Variants in GLI2 observed in about 807,000 individuals in gnomAD.
The protein encoded by GLI2 is transcription activator GLI2.
In GLI2, 22 loss-of-function variants were observed where a neutral mutation model predicts 78.9. The ratio of observed to expected loss-of-function variants is 0.28; its 90% CI spans 0.20 to 0.40. GLI2 has a LOEUF of 0.40. Among genes scored for constraint, GLI2 ranks in the 10% least tolerant of loss-of-function variants. The pLI is 1.00. For missense variants in GLI2, 2,097 were observed against 2,213.2 expected, an observed-to-expected ratio of 0.95 and a Z score of 1.05; for synonymous variants, 974 against 963.7, an observed-to-expected ratio of 1.01 and a Z score of -0.20.
At chr2:120,888,138 T>G (rs1381533124) in intron 2 of GLI2, among the ~76,000 whole-genome samples, 1 of 152,176 alleles carries the variant, frequency 6.6e-6, no homozygotes, top group African/African-American at 2.4e-5. Context: ...TCTGGCTGGA[T>G]GCCGAAAAGA....
intron 2 of GLI2, among the ~76,000 whole-genome samples, chr2:120,846,612 C>A (rs1050806116): frequency 6.6e-6 from 1 of 152,224 alleles, no homozygotes; most frequent in African/African-American, 2.4e-5. Flanking sequence ...CTGTTCCAGG[C>A]CACTCAGGTG....
chr2:120,970,605 A>G lies in GLI2; in HGVS notation c.1058A>G (p.Gln353Arg), dbSNP rs974103123. 6.2e-7 allele frequency: 1 copy of G among 1,612,994 alleles called. No homozygotes were observed. Among genetic ancestry groups the G allele is most frequent in the African/African-American group, 1.3e-5 (1 of 74,888 alleles). ...AGCAACTGTCTGAGTGACACCAACC[A>G]GGTAGGTGGGTGCAGGGGCCAGGAT... ...SSSNCLSDTN[Q>R]NKQSSESAVS... is the part of the protein sequence containing the mutation. The change falls in exon 7 of 14, where the codon CAG becomes CGG. Residue 353 changes from glutamine (Q) to arginine (R), a missense_variant and splice_region_variant. Physicochemically the swap from Gln to Arg is conservative, Grantham distance 43. Around this residue, in one of 5 missense-constraint regions of GLI2, gnomAD observed 578 missense variants for 612.0 expected, o/e 0.94. Transcript: ENST00000361492.
intron 2 of GLI2, among the ~76,000 whole-genome samples, chr2:120,807,263 C>T (rs370215652): frequency 5.5e-4 from 84 of 152,278 alleles, no homozygotes; most frequent in African/African-American, 1.9e-3. Context: ...TGCCCCTTCT[C>T]GGTTGGGTAT....
rs145491820 is a variant in GLI2 at position 120,796,192 on chromosome 2, C to T, written c.-30-1099C>T. On this transcript the variant is annotated intron_variant, in intron 1 of 13. Transcript: ENST00000361492. ...GAAGTTGCCCATGCCCCGAATCCCGCTGGGTGTTCCTCCCTTGCTCACAGC... is the reference window on the plus strand; with the variant it reads ...GAAGTTGCCCATGCCCCGAATCCCGTTGGGTGTTCCTCCCTTGCTCACAGC... Among the ~76,000 whole-genome samples, 1,506 of 152,342 alleles carry T rather than the reference C, an allele frequency of 9.9e-3. 30 individuals are homozygous for T. Among genetic ancestry groups the T allele is most frequent in the African/African-American group, 0.034 (1,413 of 41,568 alleles).
intron 2 of GLI2, among the ~76,000 whole-genome samples, chr2:120,806,203 G>A (rs905610191): frequency 3.3e-5 from 5 of 152,120 alleles, no homozygotes; most frequent in African/African-American, 9.7e-5. Flanking sequence ...AGGTCTCACC[G>A]CCTCTGATCT....
intron 6 of GLI2, among the ~76,000 whole-genome samples, chr2:120,969,487 C>T (rs1407230165): frequency 6.6e-6 from 1 of 152,238 alleles, no homozygotes; most frequent in Non-Finnish European, 1.5e-5. Context: ...GAGAGTTTGT[C>T]CCAACGACCT....
chr2:120,935,258 G>T (rs1021263876), intron 3 of GLI2, among the ~76,000 whole-genome samples: 1 of 152,184 alleles, frequency 6.6e-6, no homozygotes, highest in African/African-American at 2.4e-5. Context: ...GGTCCACACT[G>T]CCTCTCCATC....
chr2:120,752,901 G>A (rs1363628743), intron 1 of GLI2, among the ~76,000 whole-genome samples: 3 of 152,058 alleles, frequency 2.0e-5, no homozygotes, highest in Non-Finnish European at 2.9e-5. Flanking sequence ...GTGTCTGGGC[G>A]GGATACCACT....
chr2:120,797,259 G>C, intron 1 of GLI2, 32 bp from the exon 2 acceptor site: 1 of 1,575,464 alleles, frequency 6.3e-7, no homozygotes, highest in Admixed American at 1.7e-5. Context: ...TTTGGGCTCA[G>C]TGTTGGTGAG....
At chr2:120,958,934 C>G (rs766089958) in intron 5 of GLI2, among the ~76,000 whole-genome samples, 18 of 152,308 alleles carry the variant, frequency 1.2e-4, no homozygotes, top group South Asian at 2.1e-4. Context: ...GGAGCAGGTC[C>G]TCTGTGTTTG....
chr2:120,880,269 A>G (rs769580513), intron 2 of GLI2, among the ~76,000 whole-genome samples: 3 of 152,220 alleles, frequency 2.0e-5, no homozygotes, highest in Non-Finnish European at 4.4e-5. Context: ...TCTGTTTTAC[A>G]TGAATTTCCA....
At chr2:120,929,466 A>G (rs572306517) in intron 3 of GLI2, among the ~76,000 whole-genome samples, 5 of 152,212 alleles carry the variant, frequency 3.3e-5, no homozygotes, top group Non-Finnish European at 7.3e-5. Context: ...TTCTGTTTCT[A>G]TCATTTTGTC....
chr2:120,775,466 C>T (rs890507453), intron 1 of GLI2, among the ~76,000 whole-genome samples: 2 of 152,170 alleles, frequency 1.3e-5, no homozygotes, highest in Non-Finnish European at 2.9e-5. Flanking sequence ...GCGAACAGTG[C>T]GCTAATGCTC....
chr2:120,988,089 G>A, intron 13 of GLI2, 119 bp from the exon 14 acceptor site: 1 of 789,648 alleles, frequency 1.3e-6, no homozygotes, highest in Non-Finnish European at 2.0e-6. Context: ...TGCATCTCCT[G>A]AGTGCGCTGT....
At position 120,990,118 on chromosome 2, in the gene GLI2, G is replaced by A; in HGVS notation, c.4153G>A (p.Ala1385Thr). ...GGCCTACGCCAGGGCCACAGGCCAT[G>A]CCATGGCTGCCATGCCGTCCAGTCA... is the stretch of plus-strand genomic sequence containing the variant. ...QLAYARATGH[A>T]MAAMPSSQET... Residue 1385 changes from alanine to threonine, a missense_variant, in exon 14 of 14, where the codon GCC becomes ACC. Coordinates refer to ENST00000361492, the MANE Select transcript of GLI2 (RefSeq NM_001374353.1). 1.9e-6 allele frequency: 3 copies of A among 1,603,788 alleles called. No individual in the cohort carries two copies. Among genetic ancestry groups the A allele is most frequent in the Non-Finnish European group, 2.6e-6 (3 of 1,173,742 alleles).
intron 2 of GLI2, among the ~76,000 whole-genome samples, chr2:120,804,385 A>T (rs1371850068): frequency 2.6e-5 from 4 of 152,126 alleles, no homozygotes; most frequent in Non-Finnish European, 5.9e-5. Flanking sequence ...ATAGGGGATT[A>T]TGGAATCTGA....
chr2:120,914,483 T>C (rs1678994387), intron 2 of GLI2, among the ~76,000 whole-genome samples: 1 of 152,264 alleles, frequency 6.6e-6, no homozygotes, highest in South Asian at 2.1e-4. Context: ...AAACCTTCTG[T>C]GACCAAGACA....
intron 1 of GLI2, among the ~76,000 whole-genome samples, chr2:120,793,984 G>T (rs530578342): frequency 6.6e-6 from 1 of 152,338 alleles, no homozygotes; most frequent in Non-Finnish European, 1.5e-5. Flanking sequence ...AATAGGTGGG[G>T]TTGCCATGAG....
chr2:120,757,304 AT>A (rs1251367543), intron 1 of GLI2, among the ~76,000 whole-genome samples: 1 of 148,616 alleles, frequency 6.7e-6, no homozygotes, highest in African/African-American at 2.5e-5. Flanking sequence ...GATGTTGAAT[AT>A]TTTTGTCTTA....
Sources: gnomAD v4.1 joint callset for allele counts (sites outside exome capture counted in the v4.1 genomes callset) on GRCh38, gnomAD v4.1.1 for gene constraint, gnomAD v4.1.1 regional missense constraint, MANE v1.5 for transcripts, NCBI Gene and HGNC (gene_info 2026-07-23, HGNC 2026-07-21) for gene names.